The following LHPP variants were observed in gnomAD, a reference collection of about 807,000 sequenced individuals.
The protein encoded by LHPP is phospholysine phosphohistidine inorganic pyrophosphate phosphatase, also known as hLHPP.
A neutral mutation model predicts 30.3 loss-of-function variants in LHPP; 24 were observed. That is an observed-to-expected ratio of 0.79 (90% CI 0.57 to 1.11). The LOEUF is 1.11. Ranked by LOEUF, LHPP falls within the 50% of genes most tolerant of loss-of-function variation. The probability of loss-of-function intolerance (pLI) is 0.00; values close to 1 mark genes in which losing one functional copy is unlikely to be tolerated. For missense variants in LHPP, 356 were observed against 367.2 expected (o/e 0.97, Z 0.25); for synonymous variants, 150 against 157.1 (o/e 0.95, Z 0.34).
chr10:124,558,925 G>T (rs373047341), intron 6 of LHPP, among the ~76,000 whole-genome samples: 10 of 152,266 alleles, frequency 6.6e-5, no homozygotes, highest in African/African-American at 2.4e-4. Context: ...TTTTTCTCTC[G>T]ACCTTTTCTG....
chr10:124,518,083 A>G (rs1316610490), intron 6 of LHPP, among the ~76,000 whole-genome samples: 1 of 152,184 alleles, frequency 6.6e-6, no homozygotes, highest in Non-Finnish European at 1.5e-5. Context: ...AAGACAGATC[A>G]GAGGGCCCGA....
rs1236675826 is a variant in LHPP at position 124,464,746 on chromosome 10, C to A, written c.125+2759C>A. On this transcript the variant is annotated intron_variant, in intron 1 of 6. Coordinates refer to ENST00000368842, the MANE Select transcript of LHPP (RefSeq NM_022126.4). ...AGGAAGCCAGAGCTCAATGCTGTGA[C>A]TGGGGCAGGCAAGGCCTCATGGGAG... Among the ~76,000 whole-genome samples, 5 of 152,194 alleles carry A rather than the reference C, an allele frequency of 3.3e-5. No individual in the cohort carries two copies. The East Asian group carries it at 9.6e-4, about 29-fold the overall frequency.
At chr10:124,489,558 G>GCC (rs1953452699) in intron 3 of LHPP, among the ~76,000 whole-genome samples, 1 of 152,060 alleles carries the variant, frequency 6.6e-6, no homozygotes, top group African/African-American at 2.4e-5. Context: ...GGGTTCAAGC[G>GCC]ATTCTCCTGC....
At chr10:124,465,644 C>T (rs1309817915) in intron 1 of LHPP, among the ~76,000 whole-genome samples, 1 of 151,134 alleles carries the variant, frequency 6.6e-6, no homozygotes, top group East Asian at 1.9e-4. Flanking sequence ...TCACTGCAGC[C>T]TCTGCCTCCT....
intron 6 of LHPP, among the ~76,000 whole-genome samples, chr10:124,600,680 C>T (rs922486516): frequency 3.9e-5 from 6 of 152,168 alleles, no homozygotes; most frequent in African/African-American, 1.2e-4. Flanking sequence ...CAGGCCAGGG[C>T]GCCAAGGCCC....
At chr10:124,568,027 C>G (rs1948520574) in intron 6 of LHPP, among the ~76,000 whole-genome samples, 1 of 152,246 alleles carries the variant, frequency 6.6e-6, no homozygotes, top group Non-Finnish European at 1.5e-5. Flanking sequence ...ATTCTCCTGC[C>G]TCAGCCTCCT....
rs746704112 is a variant in LHPP at position 124,496,987 on chromosome 10, T to G, written c.494T>G (p.Leu165Arg). Residue 165 changes from leucine to arginine, a missense_variant, in exon 4 of 7, where the codon CTG (leucine) becomes CGG (arginine). Leu to Arg is a moderately radical substitution (Grantham distance 102). Transcript: ENST00000368842. This position sits in a 1 kb window ranked among gnomAD's most constrained non-coding sequence, Gnocchi z 4.3. ...CGTTACTACAAGGAGACCTCTGGCC[T>G]GATGCTGGACGTTGGTCCCTACATG... ...KGRYYKETSG[L>R]MLDVGPYMKA... The G allele has an allele frequency of 7.4e-6, 12 of 1,614,098 alleles. No individual in the cohort carries two copies. The highest frequency in any genetic ancestry group is 1.0e-5 in the Non-Finnish European group (12 of 1,179,956).
chr10:124,596,292 G>T lies in LHPP; in HGVS notation c.717-16972G>T, dbSNP rs1461145706. Reference sequence around the variant, plus strand: ...AGGAGTGAGGTTGCTGGGTCCCGCGGCATTCATGTGTTTAGTGTAGGAGAC... The same window carrying T: ...AGGAGTGAGGTTGCTGGGTCCCGCGTCATTCATGTGTTTAGTGTAGGAGAC... On this transcript the variant is annotated intron_variant, in intron 6 of 6. Coordinates refer to ENST00000368842, the MANE Select transcript of LHPP (RefSeq NM_022126.4). This position sits in a 1 kb window ranked among gnomAD's most constrained non-coding sequence, Gnocchi z 4.6. 6.6e-6 allele frequency among the ~76,000 whole-genome samples: 1 copy of T among 152,060 alleles called. No individual in the cohort carries two copies. Among genetic ancestry groups the T allele is most frequent in the East Asian group, 1.9e-4 (1 of 5,194 alleles).
At chr10:124,509,745 T>TG (rs1444645244) in intron 5 of LHPP, among the ~76,000 whole-genome samples, 2 of 151,990 alleles carry the variant, frequency 1.3e-5, no homozygotes, top group African/African-American at 4.8e-5. Flanking sequence ...GGCATCTCCC[T>TG]GGGGGATATG....
chr10:124,492,041 C>T (rs1203379355), intron 3 of LHPP, among the ~76,000 whole-genome samples: 6 of 152,202 alleles, frequency 3.9e-5, no homozygotes, highest in African/African-American at 9.7e-5. Flanking sequence ...TCTGACAATA[C>T]GGAGCCTCAC....
At chr10:124,520,148 T>TA (rs1190367169) in intron 6 of LHPP, among the ~76,000 whole-genome samples, 1 of 152,112 alleles carries the variant, frequency 6.6e-6, no homozygotes. Flanking sequence ...CTTTTTTTTT[T>TA]AACTTTTAAG....
chr10:124,573,660 A>G (rs1163108721), intron 6 of LHPP, among the ~76,000 whole-genome samples: 5 of 152,112 alleles, frequency 3.3e-5, no homozygotes, highest in Non-Finnish European at 7.4e-5. Context: ...TTGTGTGACT[A>G]TTTGTTTAAG....
At chr10:124,580,490 G>C (rs1003137069) in intron 6 of LHPP, among the ~76,000 whole-genome samples, 17 of 152,126 alleles carry the variant, frequency 1.1e-4, no homozygotes, top group Non-Finnish European at 2.2e-4. Flanking sequence ...GATAACAGTT[G>C]TTCCATTATC....
At chr10:124,543,022 G>A (rs1426890532) in intron 6 of LHPP, among the ~76,000 whole-genome samples, 1 of 152,192 alleles carries the variant, frequency 6.6e-6, no homozygotes, top group Non-Finnish European at 1.5e-5. Flanking sequence ...CCTGTGAGTG[G>A]GGGCTGCTGT....
At chr10:124,599,501 C>T (rs1422361985) in intron 6 of LHPP, among the ~76,000 whole-genome samples, 1 of 152,228 alleles carries the variant, frequency 6.6e-6, no homozygotes, top group African/African-American at 2.4e-5. Context: ...GTCCCGCCTC[C>T]AGGCTTGCAG....
In LHPP at chr10:124,517,240, A is replaced by G. The variant is rs146387599; in HGVS notation, c.685A>G (p.Arg229Gly). ...CGGCGGTGCCCAGCGGTGTGGAATG[A>G]GAGCGCTGCAGGTGCGCACCGGGAA... ...DVGGAQRCGM[R>G]ALQVRTGKFR... The change falls in exon 6 of 7, where the codon AGA (arginine) becomes GGA (glycine). Residue 229 changes from arginine to glycine, a missense_variant. Transcript: ENST00000368842. The surrounding 1 kb of genome is among the most constrained non-coding windows in gnomAD (Gnocchi z 4.1). 3.7e-6 allele frequency: 6 copies of G among 1,604,968 alleles called. No individual in the cohort carries two copies. The African/African-American group carries it at 8.0e-5, about 22-fold the overall frequency.
At chr10:124,589,704 G>A (rs1271966102) in intron 6 of LHPP, among the ~76,000 whole-genome samples, 1 of 152,156 alleles carries the variant, frequency 6.6e-6, no homozygotes, top group African/African-American at 2.4e-5. Context: ...TTAGAGACTC[G>A]AGCAAGACCC....
At chr10:124,511,730 C>T (rs2133902558) in intron 5 of LHPP, among the ~76,000 whole-genome samples, 1 of 152,340 alleles carries the variant, frequency 6.6e-6, no homozygotes, top group Non-Finnish European at 1.5e-5. Flanking sequence ...TGTCTTTGTA[C>T]TTTCTCAATG....
At chr10:124,548,958 C>T (rs1015964928) in intron 6 of LHPP, among the ~76,000 whole-genome samples, 2 of 152,232 alleles carry the variant, frequency 1.3e-5, no homozygotes, top group Non-Finnish European at 2.9e-5. Flanking sequence ...GGGGGACAGC[C>T]AGCGGGACAT....
Sources: gnomAD v4.1 joint callset for allele counts (sites outside exome capture counted in the v4.1 genomes callset) on GRCh38, gnomAD v4.1.1 for gene constraint, Gnocchi (gnomAD v3.1) non-coding constraint, MANE v1.5 for transcripts, NCBI Gene and HGNC (gene_info 2026-07-23, HGNC 2026-07-21) for gene names.